The following ANKRD33B variants were observed in gnomAD, a reference collection of about 807,000 sequenced individuals.
ANKRD33B encodes the protein ankyrin repeat domain 33B, also known as ankyrin repeat domain-containing protein 33B.
In ANKRD33B, 6 loss-of-function variants were observed where a neutral mutation model predicts 21.5. That is an observed-to-expected ratio of 0.28 (90% CI 0.15 to 0.55). The LOEUF is 0.55. Ranked by LOEUF, ANKRD33B falls within the 20% of genes least tolerant of loss-of-function variation. The probability of loss-of-function intolerance (pLI) is 0.94; values close to 1 mark genes in which losing one functional copy is unlikely to be tolerated. For synonymous variants in ANKRD33B, 347 were observed against 342.4 expected (o/e 1.01, Z -0.15); for missense variants, 698 against 747.2 (o/e 0.93, Z 0.77).
At chr5:10,624,285 G>A (rs900603905) in intron 2 of ANKRD33B, among the ~76,000 whole-genome samples, 4 of 151,992 alleles carry the variant, frequency 2.6e-5, no homozygotes, top group South Asian at 2.1e-4. Context: ...GCCAGTCACC[G>A]TGCCCAGCTA....
chr5:10,636,731 G>A (rs1736875845), intron 2 of ANKRD33B, among the ~76,000 whole-genome samples: 1 of 152,354 alleles, frequency 6.6e-6, no homozygotes, highest in South Asian at 2.1e-4. Flanking sequence ...ATCAGCAGGG[G>A]CCTGGATGGA....
At chr5:10,603,353 C>A (rs1037196787) in intron 1 of ANKRD33B, among the ~76,000 whole-genome samples, 1 of 151,980 alleles carries the variant, frequency 6.6e-6, no homozygotes, top group African/African-American at 2.4e-5. Flanking sequence ...ACCTACGCCT[C>A]CCAGGTTCAA....
intron 1 of ANKRD33B, among the ~76,000 whole-genome samples, chr5:10,606,973 C>T (rs140824147): frequency 0.014 from 2,156 of 152,056 alleles, 40 homozygotes; most frequent in African/African-American, 0.05. Flanking sequence ...TCAAGTGATC[C>T]ACCCACCTCA....
intron 2 of ANKRD33B, among the ~76,000 whole-genome samples, chr5:10,633,469 T>C (rs1470208915): frequency 6.6e-6 from 1 of 152,254 alleles, no homozygotes; most frequent in Non-Finnish European, 1.5e-5. Context: ...CCACAAACAC[T>C]GTACAGAGAA....
intron 1 of ANKRD33B, among the ~76,000 whole-genome samples, chr5:10,590,794 G>A (rs554176435): frequency 6.6e-6 from 1 of 152,078 alleles, no homozygotes; most frequent in South Asian, 2.1e-4. Context: ...TCTCTGCTTG[G>A]TTTCTCAGCA....
At chr5:10,645,480 G>A (rs1356718704) in intron 3 of ANKRD33B, among the ~76,000 whole-genome samples, 2 of 152,184 alleles carry the variant, frequency 1.3e-5, no homozygotes, top group Non-Finnish European at 2.9e-5. Flanking sequence ...CACCTGTTTG[G>A]AATGTTTTTG....
At chr5:10,638,242 G>T in intron 3 of ANKRD33B, 74 bp downstream of exon 3, 1 of 1,478,426 alleles carries the variant, frequency 6.8e-7, no homozygotes, top group Non-Finnish European at 9.0e-7. Flanking sequence ...AATATGTTTT[G>T]AGATTAATCA....
Position 10,593,663 on chromosome 5 carries a change from AC to A in ANKRD33B, c.367-24668del, listed in dbSNP as rs556764512. On this transcript the variant is annotated intron_variant, in intron 1 of 3. Coordinates refer to ENST00000296657, the MANE Select transcript of ANKRD33B (RefSeq NM_001164440.2). ...TCTTCACCTCTCCAGCCTCTCTCCA[AC>A]CTCTTCTCCTCCCGGGCAGGGGGGC... 5.8e-3 allele frequency among the ~76,000 whole-genome samples: 869 copies of A among 150,958 alleles called. 6 individuals carry two copies. The highest frequency in any genetic ancestry group is 0.02 in the African/African-American group (823 of 41,044).
At position 10,619,646 on chromosome 5, in the gene ANKRD33B, T is replaced by C. The variant is rs79971506; in HGVS notation, c.496+1184T>C. Among the ~76,000 whole-genome samples, 2,123 of 152,330 alleles carry C rather than the reference T, an allele frequency of 0.014. 25 individuals are homozygous for C. Among genetic ancestry groups the C allele is most frequent in the South Asian group, 0.046 (221 of 4,826 alleles). The stretch of plus-strand genomic sequence containing the variant: ...GGGGCTGTGCTAACATGTGTTCACC[T>C]CCTCAGGTTTCGAAGCGTGAGGCAT... On this transcript the variant is annotated intron_variant, in intron 2 of 3. Coordinates refer to ENST00000296657, the MANE Select transcript of ANKRD33B (RefSeq NM_001164440.2). The surrounding 1 kb of genome is among the most constrained non-coding windows in gnomAD (Gnocchi z 4.5).
chr5:10,636,881 C>T (rs527712438), intron 2 of ANKRD33B, among the ~76,000 whole-genome samples: 35 of 152,304 alleles, frequency 2.3e-4, no homozygotes, highest in African/African-American at 4.3e-4. Flanking sequence ...CCACCGATGG[C>T]GGTTTGGTGG....
chr5:10,619,440 T>C lies in ANKRD33B; in HGVS notation c.496+978T>C, dbSNP rs1736364193. On this transcript the variant is annotated intron_variant, in intron 2 of 3. Transcript: ENST00000296657. The surrounding 1 kb of genome is among the most constrained non-coding windows in gnomAD (Gnocchi z 4.5). ...CACCAAAAGGAGACCTCCTTGTCCC[T>C]TGTTGCTTCACAAGCTCCTGGACCA... 1.0e-6 allele frequency: 1 copy of C among 956,262 alleles called. No homozygotes were observed. Among genetic ancestry groups the C allele is most frequent in the Non-Finnish European group, 1.2e-6 (1 of 803,572 alleles). The allele number at this position is 956,262 out of a possible 1,614,324, so 59.2% of individuals were successfully genotyped here.
chr5:10,638,312 C>A, intron 3 of ANKRD33B, 144 bp downstream of exon 3: 1 of 1,136,250 alleles, frequency 8.8e-7, no homozygotes, highest in Non-Finnish European at 1.2e-6. Flanking sequence ...CTGACATATA[C>A]TTCTGTAACT....
intron 1 of ANKRD33B, among the ~76,000 whole-genome samples, chr5:10,582,069 CAT>C (rs1475284310): frequency 6.6e-6 from 1 of 152,202 alleles, no homozygotes; most frequent in Non-Finnish European, 1.5e-5. Flanking sequence ...CATTCAGCCT[CAT>C]GTGCAGAGTT....
At chr5:10,565,036 G>C (rs973678388) in intron 1 of ANKRD33B, among the ~76,000 whole-genome samples, 4 of 152,230 alleles carry the variant, frequency 2.6e-5, no homozygotes, top group African/African-American at 9.6e-5. Flanking sequence ...CGCGGTGCGG[G>C]GAGGGAGCAG....
chr5:10,611,125 C>G (rs563518329), intron 1 of ANKRD33B, among the ~76,000 whole-genome samples: 1 of 151,958 alleles, frequency 6.6e-6, no homozygotes, highest in African/African-American at 2.4e-5. Flanking sequence ...AAAATCAGAG[C>G]ATACACAGCT....
At position 10,649,404 on chromosome 5, in the gene ANKRD33B, A is replaced by C; in HGVS notation, c.776A>C (p.Tyr259Ser). Residue 259 changes from tyrosine (Y) to serine (S), a missense_variant, in exon 4 of 4, where the codon TAC becomes TCC. Tyr to Ser is a moderately radical substitution (Grantham distance 144). This residue lies in a region of ANKRD33B where 543 missense variants were observed against 566.5 expected (regional missense o/e 0.96). Transcript: ENST00000296657. ...TGCCCGGAGCAGTTCTGGGAGAAGT[A>C]CCGGCCCGAGCTGCCGCCGCCCCCT... ...RPCPEQFWEK[Y>S]RPELPPPPEA... 6.5e-7 allele frequency: 1 copy of C among 1,535,454 alleles called. No homozygotes were observed.
At chr5:10,630,585 G>A (rs1736684009) in intron 2 of ANKRD33B, among the ~76,000 whole-genome samples, 1 of 152,164 alleles carries the variant, frequency 6.6e-6, no homozygotes, top group African/African-American at 2.4e-5. Context: ...AAGAGAAGAG[G>A]CATACAAAAG....
intron 1 of ANKRD33B, among the ~76,000 whole-genome samples, chr5:10,570,327 C>G (rs555646513): frequency 6.6e-6 from 1 of 152,292 alleles, no homozygotes; most frequent in Non-Finnish European, 1.5e-5. Flanking sequence ...TTTGCTCATT[C>G]GTCTTCATTC....
intron 2 of ANKRD33B, among the ~76,000 whole-genome samples, chr5:10,621,870 T>C (rs1012700135): frequency 6.6e-6 from 1 of 152,150 alleles, no homozygotes; most frequent in African/African-American, 2.4e-5. Flanking sequence ...GGTGGGGATT[T>C]GGGGAAGTAA....
Sources: allele counts gnomAD v4.1 joint callset (sites outside exome capture counted in the v4.1 genomes callset), GRCh38; gene constraint gnomAD v4.1.1; regional missense constraint gnomAD v4.1.1; non-coding constraint Gnocchi (gnomAD v3.1); transcripts MANE v1.5; gene names NCBI Gene and HGNC (gene_info 2026-07-23, HGNC 2026-07-21).